The following OPHN1 variants were observed in gnomAD, a reference collection of about 807,000 sequenced individuals.
OPHN1 encodes the protein oligophrenin 1.
Under a neutral mutation model 60.7 loss-of-function variants are expected in OPHN1, and 11 were observed. The ratio of observed to expected loss-of-function variants is 0.18; its 90% CI spans 0.11 to 0.30. The LOEUF (loss-of-function observed/expected upper bound fraction) is 0.30, where lower values mean the gene tolerates loss of function less well. OPHN1 is among the 10% of genes least tolerant of loss of function. The pLI is 1.00. For synonymous variants in OPHN1, 226 were observed against 222.6 expected, an observed-to-expected ratio of 1.02 and a Z score of -0.14; for missense variants, 449 against 611.0, an observed-to-expected ratio of 0.73 and a Z score of 2.80.
chrX:68,244,416 C>T (rs894724801), intron 5 of OPHN1, among the ~76,000 whole-genome samples: 2 of 112,261 alleles, frequency 1.8e-5, no homozygotes, highest in African/African-American at 6.5e-5. Context: ...ACATCTGCCT[C>T]CCACCCTCTG....
intron 2 of OPHN1, among the ~76,000 whole-genome samples, chrX:68,339,285 T>A (rs1009133467): frequency 2.7e-5 from 3 of 109,496 alleles, no homozygotes; most frequent in Non-Finnish European, 5.7e-5. Flanking sequence ...AGAAAATCTA[T>A]GAAAAACACA....
chrX:68,058,259 AACAC>A (rs745625536), intron 21 of OPHN1, among the ~76,000 whole-genome samples: 21,853 of 101,752 alleles, frequency 0.21, 1,880 homozygotes, highest in Middle Eastern at 0.27. Context: ...CCTACACTCT[AACAC>A]ACACACACAC....
intron 21 of OPHN1, among the ~76,000 whole-genome samples, chrX:68,061,214 T>C (rs975982542): frequency 1.8e-5 from 2 of 111,946 alleles, no homozygotes; most frequent in African/African-American, 6.5e-5. Context: ...ATTTAGATAG[T>C]TAGGCTGATA....
At chrX:68,372,867 A>G (rs2078536465) in intron 2 of OPHN1, among the ~76,000 whole-genome samples, 1 of 111,123 alleles carries the variant, frequency 9.0e-6, no homozygotes, top group African/African-American at 3.3e-5. Flanking sequence ...GCTTGTCACA[A>G]AAAACGTATT....
chrX:68,325,619 G>T (rs1350968686), intron 2 of OPHN1, among the ~76,000 whole-genome samples: 7 of 45,480 alleles, frequency 1.5e-4, no homozygotes, highest in African/African-American at 1.1e-3. Context: ...TCCCTCTCCC[G>T]TCTCCCTCTC....
chrX:68,155,200 A>G (rs1464208713), intron 15 of OPHN1, among the ~76,000 whole-genome samples: 2 of 112,183 alleles, frequency 1.8e-5, no homozygotes, highest in Non-Finnish European at 3.8e-5. Context: ...AGATCACTAC[A>G]TAAATCAGTG....
At chrX:68,242,214 C>CAA (rs753856136) in intron 5 of OPHN1, among the ~76,000 whole-genome samples, 265 of 23,928 alleles carry the variant, frequency 0.011, 5 homozygotes, top group African/African-American at 0.028. Context: ...CCCATCTCTA[C>CAA]AAAAAAAAAA....
chrX:68,252,516 T>C (rs1172532965), intron 5 of OPHN1, among the ~76,000 whole-genome samples: 1 of 112,036 alleles, frequency 8.9e-6, no homozygotes, highest in Non-Finnish European at 1.9e-5. Flanking sequence ...AGTTCTTATT[T>C]TCCTGCCTCA....
At chrX:68,058,142 A>C (rs2076880086) in intron 21 of OPHN1, among the ~76,000 whole-genome samples, 1 of 110,832 alleles carries the variant, frequency 9.0e-6, no homozygotes. Context: ...CATGTACTTA[A>C]CCTGCTTTAA....
chrX:68,170,920 C>T (rs983723493), intron 15 of OPHN1, among the ~76,000 whole-genome samples: 11 of 109,145 alleles, frequency 1.0e-4, no homozygotes, highest in African/African-American at 3.0e-4. Flanking sequence ...TACCCTAAAA[C>T]TTAAAGTATA....
intron 2 of OPHN1, among the ~76,000 whole-genome samples, chrX:68,358,325 A>C (rs960328488): frequency 5.5e-5 from 6 of 109,627 alleles, no homozygotes; most frequent in Admixed American, 9.9e-5. Context: ...CATTTCAAAA[A>C]GTAATAATAA....
At position 68,274,450 on chromosome X, in the gene OPHN1, G is replaced by T. The variant is rs143499048; in HGVS notation, c.384+288C>A. On this transcript the variant is annotated intron_variant, in intron 5 of 24. Transcript: ENST00000355520. Reference sequence around the variant, plus strand: ...ACAGAGCCTGTTGGCCACAAAGTCAGAGGCCAATTCTAGATTTTCTTACTC... The same window carrying T: ...ACAGAGCCTGTTGGCCACAAAGTCATAGGCCAATTCTAGATTTTCTTACTC... Among the ~76,000 whole-genome samples, 533 of 111,783 alleles carry T rather than the reference G, an allele frequency of 4.8e-3. 6 individuals carry two copies. Among genetic ancestry groups the T allele is most frequent in the African/African-American group, 0.017 (514 of 30,743 alleles).
At chrX:68,107,945 T>G (rs1208494360) in intron 18 of OPHN1, among the ~76,000 whole-genome samples, 1 of 112,272 alleles carries the variant, frequency 8.9e-6, no homozygotes, top group Admixed American at 9.4e-5. Context: ...CCCAATAGTT[T>G]TGATTCATGT....
In OPHN1 at chrX:68,284,817, T is replaced by G. The variant is rs142709957; in HGVS notation, c.251-1700A>C. Among the ~76,000 whole-genome samples the G allele has an allele frequency of 2.2e-3, 252 of 112,104 alleles. 2 individuals are homozygous for G. Among genetic ancestry groups the G allele is most frequent in the African/African-American group, 7.9e-3 (245 of 30,940 alleles). ...ACATGTGACCTCTGAATCTGGTTTA[T>G]GCAACCATGAACATTTGTGAACAAG... On this transcript the variant is annotated intron_variant, in intron 3 of 24. Coordinates refer to ENST00000355520, the MANE Select transcript of OPHN1 (RefSeq NM_002547.3).
intron 2 of OPHN1, among the ~76,000 whole-genome samples, chrX:68,411,086 C>T (rs1490298997): frequency 1.8e-5 from 2 of 111,408 alleles, no homozygotes; most frequent in African/African-American, 6.5e-5. Flanking sequence ...TATTAATGTG[C>T]ACAGGAATCA....
chrX:68,364,780 A>G (rs1278509778), intron 2 of OPHN1, among the ~76,000 whole-genome samples: 3 of 112,465 alleles, frequency 2.7e-5, no homozygotes, highest in Non-Finnish European at 5.6e-5. Context: ...CTATATTGCA[A>G]AGAACACACA....
At chrX:68,255,167 G>T (rs1462565016) in intron 5 of OPHN1, among the ~76,000 whole-genome samples, 5 of 109,558 alleles carry the variant, frequency 4.6e-5, no homozygotes, top group Admixed American at 3.0e-4. Context: ...GGAGGACACT[G>T]ACTGAAACTT....
chrX:68,324,890 A>C (rs1215160076), intron 2 of OPHN1, among the ~76,000 whole-genome samples: 4 of 108,226 alleles, frequency 3.7e-5, no homozygotes, highest in African/African-American at 6.8e-5. Flanking sequence ...AAAGTAAAAA[A>C]AAAAAAAAAA....
chrX:68,145,365 C>CTCATCATTT (rs1356095983), intron 15 of OPHN1, among the ~76,000 whole-genome samples: 1 of 111,678 alleles, frequency 9.0e-6, no homozygotes, highest in African/African-American at 3.3e-5. Flanking sequence ...GACATAAAGA[C>CTCATCATTT]TCATCATTTT....
Sources: allele counts gnomAD v4.1 joint callset (sites outside exome capture counted in the v4.1 genomes callset), GRCh38; gene constraint gnomAD v4.1.1; transcripts MANE v1.5; gene names NCBI Gene and HGNC (gene_info 2026-07-23, HGNC 2026-07-21).